MAP1B: variants seen among roughly 807,000 people sequenced by gnomAD.
MAP1B encodes microtubule-associated protein 1B.
Under a neutral mutation model 176.1 loss-of-function variants are expected in MAP1B, and 12 were observed. The ratio of observed to expected loss-of-function variants is 0.07; its 90% confidence interval spans 0.04 to 0.11. The LOEUF (loss-of-function observed/expected upper bound fraction) is 0.11. Ranked by LOEUF, MAP1B falls within the 10% of genes least tolerant of loss-of-function variation. The probability of loss-of-function intolerance (pLI) is 1.00; values close to 1 mark genes in which losing one functional copy is unlikely to be tolerated. For synonymous variants in MAP1B, 1,044 were observed against 1,135.0 expected (o/e 0.92, Z 1.61); for missense variants, 2,523 against 2,990.5 (o/e 0.84, Z 3.65).
At chr5:72,165,971 T>C (rs947325951) in intron 2 of MAP1B, among the ~76,000 whole-genome samples, 11 of 152,200 alleles carry the variant, frequency 7.2e-5, no homozygotes, top group Admixed American at 3.3e-4. Flanking sequence ...CATCATGTTC[T>C]ACCCTCACAA....
chr5:72,141,158 A>G (rs992628365), intron 2 of MAP1B, among the ~76,000 whole-genome samples: 2 of 152,090 alleles, frequency 1.3e-5, no homozygotes, highest in African/African-American at 4.8e-5. Context: ...CCTGGGGTAC[A>G]TGTCCACGCT....
At chr5:72,183,698 A>G in intron 2 of MAP1B, 45 bp from the exon 3 acceptor site, 1 of 1,518,620 alleles carries the variant, frequency 6.6e-7, no homozygotes, top group Non-Finnish European at 9.1e-7. Flanking sequence ...TTTTATCTGG[A>G]AAAGCTAAAG....
intron 2 of MAP1B, among the ~76,000 whole-genome samples, chr5:72,175,595 T>C (rs1561306761): frequency 6.6e-6 from 1 of 152,178 alleles, no homozygotes; most frequent in Non-Finnish European, 1.5e-5. Flanking sequence ...TAACCCTTGA[T>C]ATCCTTGATT....
In MAP1B at chr5:72,194,458, C is replaced by T; in HGVS notation, c.1103C>T (p.Pro368Leu). Residue 368 changes from proline (P) to leucine (L), a missense_variant, in exon 5 of 7, where the codon CCA becomes CTA. This residue lies in a region of MAP1B where 1,925 missense variants were observed against 2,126.0 expected (regional missense o/e 0.91). Coordinates refer to ENST00000296755, the MANE Select transcript of MAP1B (RefSeq NM_005909.5). The surrounding 1 kb of genome is among the most constrained non-coding windows in gnomAD (Gnocchi z 7.2). ...FLNVPENLKN[P>L]EPNIKMKRSI... ...AATGTACCTGAAAATCTCAAAAATCCAGAGCCAAACATCAAGATGAAGAGA... is the reference window on the plus strand; with the variant it reads ...AATGTACCTGAAAATCTCAAAAATCTAGAGCCAAACATCAAGATGAAGAGA... The T allele has an allele frequency of 6.2e-7, 1 of 1,613,954 alleles. No homozygotes were observed. Among genetic ancestry groups the T allele is most frequent in the Admixed American group, 1.7e-5 (1 of 59,986 alleles).
chr5:72,124,151 G>A (rs1330103735), intron 2 of MAP1B, among the ~76,000 whole-genome samples: 1 of 152,134 alleles, frequency 6.6e-6, no homozygotes, highest in Non-Finnish European at 1.5e-5. Context: ...ATGCTACCTA[G>A]GCAACGATCA....
intron 2 of MAP1B, among the ~76,000 whole-genome samples, chr5:72,126,477 C>G (rs759525605): frequency 1.6e-4 from 25 of 152,190 alleles, no homozygotes; most frequent in African/African-American, 5.3e-4. Context: ...TTTTGTCTAA[C>G]CATACATTTC....
At chr5:72,146,476 C>T (rs1202280512) in intron 2 of MAP1B, among the ~76,000 whole-genome samples, 4 of 152,194 alleles carry the variant, frequency 2.6e-5, no homozygotes, top group South Asian at 2.1e-4. Flanking sequence ...TCGTAGATAA[C>T]GTTTACTAAA....
At chr5:72,120,425 C>CTT (rs775411933) in intron 2 of MAP1B, among the ~76,000 whole-genome samples, 10 of 134,392 alleles carry the variant, frequency 7.4e-5, no homozygotes, top group African/African-American at 1.6e-4. Flanking sequence ...TAGTTTCTTT[C>CTT]TTTTTTTTTT....
Position 72,175,013 on chromosome 5 carries a change from C to CCCTT in MAP1B, c.287-8723_287-8720dup, listed in dbSNP as rs1325815557. ...TCCCTCCTTCCTTCCTTCCCTCCCT[C>CCCTT]CCTTCCTTCCCTCCCTCCCTCCCTT... On this transcript the variant is annotated intron_variant, in intron 2 of 6. Coordinates refer to ENST00000296755, the MANE Select transcript of MAP1B (RefSeq NM_005909.5). Among the ~76,000 whole-genome samples the CCCTT allele has an allele frequency of 4.5e-5, 5 of 112,076 alleles. No homozygotes were observed. The East Asian group carries it at 1.6e-3, about 36-fold the overall frequency. The allele number at this position is 112,076 out of a possible 152,430, so 73.5% of individuals were successfully genotyped here. A position where few individuals can be genotyped will look rare whatever the true frequency, so the allele number is the denominator to read the frequency against.
chr5:72,195,587 T>G lies in MAP1B; in HGVS notation c.2232T>G (p.Thr744=). ...KLPKDAKKSS[T]PLSEAKKPAA... ...CTAAAGACGCAAAGAAATCATCTAC[T>G]CCTCTGTCTGAAGCAAAAAAACCAG... The change falls in exon 5 of 7, where the codon ACT becomes ACG. Residue 744 remains threonine, a synonymous_variant. Coordinates refer to ENST00000296755, the MANE Select transcript of MAP1B (RefSeq NM_005909.5). The G allele has an allele frequency of 6.2e-7, 1 of 1,614,044 alleles. No individual in the cohort carries two copies. Among genetic ancestry groups the G allele is most frequent in the Non-Finnish European group, 8.5e-7 (1 of 1,180,014 alleles).
chr5:72,196,315 G>A lies in MAP1B; in HGVS notation c.2960G>A (p.Arg987Lys). ...AAGGCGGAGGCTGATGCATACATCAGGGAGAAGAGGGAGTCTGTGGCCAGT... is the reference window on the plus strand; with the variant it reads ...AAGGCGGAGGCTGATGCATACATCAAGGAGAAGAGGGAGTCTGTGGCCAGT... ...SAKAEADAYIREKRESVASGD... is the reference protein window; with the variant it reads ...SAKAEADAYIKEKRESVASGD... Residue 987 changes from arginine to lysine, a missense_variant, in exon 5 of 7, where the codon AGG becomes AAG. Arg to Lys is a conservative substitution (Grantham distance 26). Around this residue, in one of 4 missense-constraint regions of MAP1B, gnomAD observed 1,925 missense variants for 2,126.0 expected, o/e 0.91. Transcript: ENST00000296755. This position sits in a 1 kb window ranked among gnomAD's most constrained non-coding sequence, Gnocchi z 5.3. 6.2e-7 allele frequency: 1 copy of A among 1,614,122 alleles called. No individual in the cohort carries two copies. Among genetic ancestry groups the A allele is most frequent in the Non-Finnish European group, 8.5e-7 (1 of 1,180,016 alleles).
chr5:72,199,129 C>T lies in MAP1B; in HGVS notation c.5774C>T (p.Thr1925Ile). 6.2e-7 allele frequency: 1 copy of T among 1,614,078 alleles called. No homozygotes were observed. Among genetic ancestry groups the T allele is most frequent in the Non-Finnish European group, 8.5e-7 (1 of 1,180,010 alleles). Residue 1925 changes from threonine (T) to isoleucine (I), a missense_variant, in exon 5 of 7, where the codon ACC becomes ATC. Physicochemically the swap from Thr to Ile is moderately conservative, Grantham distance 89 (BLOSUM62 -1). Coordinates refer to ENST00000296755, the MANE Select transcript of MAP1B (RefSeq NM_005909.5). This position sits in a 1 kb window ranked among gnomAD's most constrained non-coding sequence, Gnocchi z 4.2. Reference protein sequence around the residue: ...SPSDSGYSYETIGKTTKTPED... With the variant: ...SPSDSGYSYEIIGKTTKTPED... ...AGTGACAGTGGCTACTCCTATGAGA[C>T]CATTGGGAAAACTACCAAGACCCCT...
rs1747287935 is a variant in MAP1B at position 72,199,820 on chromosome 5, A to G, written c.6465A>G (p.Pro2155=). Reference sequence around the variant, plus strand: ...CCACCTCAGTCAGCGAGTCAGCCCCATCCCAGACCGACTCTGATGTTCCCC... The same window carrying G: ...CCACCTCAGTCAGCGAGTCAGCCCCGTCCCAGACCGACTCTGATGTTCCCC... ...TPPTSVSESA[P]SQTDSDVPPE... is the part of the protein sequence containing the mutation. The change falls in exon 5 of 7, where the codon CCA becomes CCG. Residue 2155 remains proline (P), a synonymous_variant. Transcript: ENST00000296755. This position sits in a 1 kb window ranked among gnomAD's most constrained non-coding sequence, Gnocchi z 4.2. 6.2e-7 allele frequency: 1 copy of G among 1,614,124 alleles called. No individual in the cohort carries two copies. Among genetic ancestry groups the G allele is most frequent in the South Asian group, 1.1e-5 (1 of 91,076 alleles).
chr5:72,190,100 T>C (rs559577371), intron 4 of MAP1B, among the ~76,000 whole-genome samples: 55 of 152,320 alleles, frequency 3.6e-4, no homozygotes, highest in African/African-American at 1.3e-3. Flanking sequence ...AGGAGTCATT[T>C]GACCAGGTTA....
intron 1 of MAP1B, among the ~76,000 whole-genome samples, chr5:72,113,679 A>G (rs1484328442): frequency 6.6e-6 from 1 of 152,232 alleles, no homozygotes; most frequent in Non-Finnish European, 1.5e-5. Flanking sequence ...CATATGTCTC[A>G]TTATTAACTT....
At chr5:72,154,665 G>C (rs1317845020) in intron 2 of MAP1B, among the ~76,000 whole-genome samples, 1 of 152,212 alleles carries the variant, frequency 6.6e-6, no homozygotes, top group Non-Finnish European at 1.5e-5. Context: ...GCCAGGCCTA[G>C]CAATTGTGCC....
At chr5:72,173,646 A>C (rs1386610871) in intron 2 of MAP1B, among the ~76,000 whole-genome samples, 1 of 152,226 alleles carries the variant, frequency 6.6e-6, no homozygotes, top group African/African-American at 2.4e-5. Context: ...GTTTCATCAC[A>C]ACAAAAATAA....
intron 4 of MAP1B, 29 bp from the exon 5 acceptor site, chr5:72,193,837 C>CTTTA: frequency 6.6e-7 from 1 of 1,520,078 alleles, no homozygotes; most frequent in South Asian, 1.3e-5. Flanking sequence ...TACACCTTTT[C>CTTTA]TTTCTTTCTT....
At chr5:72,133,502 A>G (rs79512455) in intron 2 of MAP1B, among the ~76,000 whole-genome samples, 1 of 152,290 alleles carries the variant, frequency 6.6e-6, no homozygotes, top group East Asian at 1.9e-4. Flanking sequence ...AGAATGGTAA[A>G]GCGTGGGGGC....
Sources: allele counts gnomAD v4.1 joint callset (sites outside exome capture counted in the v4.1 genomes callset), GRCh38; gene constraint gnomAD v4.1.1; regional missense constraint gnomAD v4.1.1; non-coding constraint Gnocchi (gnomAD v3.1); transcripts MANE v1.5; gene names NCBI Gene and HGNC (gene_info 2026-07-23, HGNC 2026-07-21).